The following AKAP6 variants were observed in gnomAD, a reference collection of about 807,000 sequenced individuals.
AKAP6 encodes A-kinase anchor protein 6.
In AKAP6, 58 loss-of-function variants were observed where a neutral mutation model predicts 188.5. That is an observed-to-expected ratio of 0.31 (90% CI 0.25 to 0.38). The LOEUF is 0.38. Ranked by LOEUF, AKAP6 falls within the 10% of genes least tolerant of loss-of-function variation. AKAP6 has a pLI of 1.00. For missense variants in AKAP6, 2,710 were observed against 2,740.0 expected, an observed-to-expected ratio of 0.99 and a Z score of 0.24; for synonymous variants, 989 against 998.6, an observed-to-expected ratio of 0.99 and a Z score of 0.18.
chr14:32,708,409 G>A (rs1196036310), intron 9 of AKAP6, among the ~76,000 whole-genome samples: 1 of 151,558 alleles, frequency 6.6e-6, no homozygotes, highest in African/African-American at 2.4e-5. Context: ...GAAAGAGAGA[G>A]AGAGAGAATG....
At chr14:32,442,054 A>T (rs1327046815) in intron 2 of AKAP6, among the ~76,000 whole-genome samples, 1 of 152,216 alleles carries the variant, frequency 6.6e-6, no homozygotes, top group Non-Finnish European at 1.5e-5. Flanking sequence ...CACCAGAGGT[A>T]GGATATGAGT....
At chr14:32,684,971 C>CG (rs1566645773) in intron 8 of AKAP6, among the ~76,000 whole-genome samples, 1 of 151,964 alleles carries the variant, frequency 6.6e-6, no homozygotes, top group African/African-American at 2.4e-5. Context: ...GAACAATGGG[C>CG]GGGGCTGGGC....
At chr14:32,393,899 A>G (rs1888791608) in intron 1 of AKAP6, among the ~76,000 whole-genome samples, 2 of 152,146 alleles carry the variant, frequency 1.3e-5, no homozygotes, top group South Asian at 2.1e-4. Context: ...ATTTGAATAT[A>G]AGTAAATAAT....
chr14:32,392,841 T>C (rs1449403898), intron 1 of AKAP6, among the ~76,000 whole-genome samples: 1 of 152,180 alleles, frequency 6.6e-6, no homozygotes, highest in East Asian at 1.9e-4. Context: ...TCCATGAGTT[T>C]GTAGGGTTAA....
intron 5 of AKAP6, among the ~76,000 whole-genome samples, chr14:32,584,477 A>T (rs144400243): frequency 6.6e-6 from 1 of 152,340 alleles, no homozygotes; most frequent in East Asian, 1.9e-4. Flanking sequence ...GAAACTGAAG[A>T]TGCAAAACCA....
intron 11 of AKAP6, among the ~76,000 whole-genome samples, chr14:32,770,570 C>G (rs997559604): frequency 1.3e-5 from 2 of 152,072 alleles, no homozygotes; most frequent in African/African-American, 4.8e-5. Flanking sequence ...ACTGTCTCTC[C>G]CCAACACACC....
At chr14:32,341,862 A>G (rs1227458409) in intron 1 of AKAP6, among the ~76,000 whole-genome samples, 1 of 152,136 alleles carries the variant, frequency 6.6e-6, no homozygotes, top group African/African-American at 2.4e-5. Flanking sequence ...CAAGTAAAAA[A>G]TTAGATGGGC....
rs1398270965 is a variant in AKAP6, at chr14:32,532,665, A to G, written c.325-2889A>G. 4.6e-5 allele frequency among the ~76,000 whole-genome samples: 7 copies of G among 152,294 alleles called. No homozygotes were observed. The East Asian group carries it at 9.7e-4, about 21-fold the overall frequency. ...GTATATATGGCTATTCTGAGCTGGT[A>G]GCATAAAGGTTACCCAAGTGTTTTT... On this transcript the variant is annotated intron_variant, in intron 2 of 13. Coordinates refer to ENST00000280979, the MANE Select transcript of AKAP6 (RefSeq NM_004274.5).
At chr14:32,329,868 T>G (rs1886475170) in intron 1 of AKAP6, among the ~76,000 whole-genome samples, 1 of 152,132 alleles carries the variant, frequency 6.6e-6, no homozygotes, top group Admixed American at 6.6e-5. Flanking sequence ...AGTTTCTTCA[T>G]GGCAAGGAAC....
chr14:32,774,351 T>C (rs2032989745), intron 12 of AKAP6, among the ~76,000 whole-genome samples: 1 of 152,224 alleles, frequency 6.6e-6, no homozygotes, highest in Non-Finnish European at 1.5e-5. Flanking sequence ...TAAAGTACAT[T>C]GTTTACTTTT....
At chr14:32,565,328 CCTT>C (rs1884139711) in intron 4 of AKAP6, among the ~76,000 whole-genome samples, 1 of 152,236 alleles carries the variant, frequency 6.6e-6, no homozygotes, top group Non-Finnish European at 1.5e-5. Flanking sequence ...AAAAAATTCT[CCTT>C]CTGAATTTTG....
At position 32,695,990 on chromosome 14, in the gene AKAP6, G is replaced by C; in HGVS notation, c.2880G>C (p.Gly960=). The C allele has an allele frequency of 1.2e-6, 2 of 1,611,772 alleles. No homozygotes were observed. Among genetic ancestry groups the C allele is most frequent in the South Asian group, 1.1e-5 (1 of 90,616 alleles). ...MSKVHSVGSN[G]LLDFDSEYQE... ...ACTACATTTTGCGCCTTATCTTCAG[G>C]CTTCTGGACTTTGATTCAGAATATC... The change falls in exon 9 of 14, where the codon GGG becomes GGC. Residue 960 remains glycine, a splice_region_variant and synonymous_variant. Transcript: ENST00000280979.
At chr14:32,488,536 G>A (rs562711703) in intron 2 of AKAP6, among the ~76,000 whole-genome samples, 8 of 152,126 alleles carry the variant, frequency 5.3e-5, no homozygotes, top group Admixed American at 1.3e-4. Flanking sequence ...CCAGGGGACC[G>A]AACAGTTCTG....
intron 7 of AKAP6, among the ~76,000 whole-genome samples, chr14:32,606,345 A>G (rs573752898): frequency 6.6e-6 from 1 of 152,282 alleles, no homozygotes; most frequent in African/African-American, 2.4e-5. Flanking sequence ...CTTTCAAGGC[A>G]AAAAACAAAA....
At chr14:32,643,010 A>G (rs1450346243) in intron 7 of AKAP6, among the ~76,000 whole-genome samples, 1 of 152,212 alleles carries the variant, frequency 6.6e-6, no homozygotes. Context: ...ATGACAGCAT[A>G]AAAGAATAAA....
intron 11 of AKAP6, among the ~76,000 whole-genome samples, chr14:32,753,346 T>C (rs556196921): frequency 6.6e-6 from 1 of 152,278 alleles, no homozygotes; most frequent in East Asian, 1.9e-4. Context: ...GAGAAATATC[T>C]GTTCAGGGAC....
intron 12 of AKAP6, among the ~76,000 whole-genome samples, chr14:32,783,590 A>C (rs1009886069): frequency 3.3e-5 from 5 of 152,174 alleles, no homozygotes; most frequent in African/African-American, 1.2e-4. Context: ...GTATAAGTAA[A>C]TGAAAATGGG....
At chr14:32,630,271 G>A (rs1887212644) in intron 7 of AKAP6, among the ~76,000 whole-genome samples, 1 of 151,970 alleles carries the variant, frequency 6.6e-6, no homozygotes, top group Admixed American at 6.6e-5. Context: ...ATTGGAATTA[G>A]AAATAAAGTC....
At chr14:32,484,601 A>C (rs1594664370) in intron 2 of AKAP6, 1 of 212,198 alleles carries the variant, frequency 4.7e-6, no homozygotes. Context: ...CACTATGAAG[A>C]AGATTATTAC....
Sources: gnomAD v4.1 joint callset for allele counts (sites outside exome capture counted in the v4.1 genomes callset) on GRCh38, gnomAD v4.1.1 for gene constraint, MANE v1.5 for transcripts, NCBI Gene and HGNC (gene_info 2026-07-23, HGNC 2026-07-21) for gene names.